The following PAK1 variants were observed in gnomAD, a reference collection of about 807,000 sequenced individuals.
PAK1 encodes the protein serine/threonine-protein kinase PAK 1.
Under a neutral mutation model 67.4 loss-of-function variants are expected in PAK1, and 29 were observed. The observed-to-expected ratio is 0.43, with a 90% confidence interval of 0.32 to 0.59. The LOEUF (loss-of-function observed/expected upper bound fraction) is 0.59. PAK1 is among the 20% of genes least tolerant of loss of function. The pLI is 0.07. For synonymous variants in PAK1, 223 were observed against 237.4 expected (o/e 0.94, Z 0.56); for missense variants, 337 against 670.7 (o/e 0.50, Z 5.50).
chr11:77,458,196 T>C (rs1255764152), intron 1 of PAK1, among the ~76,000 whole-genome samples: 1 of 152,202 alleles, frequency 6.6e-6, no homozygotes, highest in Non-Finnish European at 1.5e-5. Flanking sequence ...CTTTAATTTA[T>C]CAAGACAAAC....
intron 1 of PAK1, among the ~76,000 whole-genome samples, chr11:77,418,676 C>T (rs898417186): frequency 6.6e-6 from 1 of 152,206 alleles, no homozygotes; most frequent in African/African-American, 2.4e-5. Context: ...GCTTACTCAT[C>T]TAAATATTAG....
intron 1 of PAK1, among the ~76,000 whole-genome samples, chr11:77,441,204 TAA>T (rs369963805): frequency 9.6e-5 from 14 of 145,856 alleles, no homozygotes; most frequent in Middle Eastern, 3.6e-3. Context: ...AATACCGTCT[TAA>T]AAAAAAAAAA....
the PAK1 span, among the ~76,000 whole-genome samples, chr11:77,517,781 A>C: frequency 3.9e-5 from 6 of 152,210 alleles, no homozygotes. Context: ...GCAACTAGAC[A>C]GTCCTATCTG....
At chr11:77,429,368 G>A (rs998983894) in intron 1 of PAK1, among the ~76,000 whole-genome samples, 3 of 152,226 alleles carry the variant, frequency 2.0e-5, no homozygotes, top group Middle Eastern at 3.4e-3. Context: ...GTTTGGCAAC[G>A]AAACGGATAT....
chr11:77,403,471 T>C (rs908596970), intron 1 of PAK1, among the ~76,000 whole-genome samples: 1 of 152,210 alleles, frequency 6.6e-6, no homozygotes, highest in Admixed American at 6.5e-5. Flanking sequence ...GAATGAATCA[T>C]ATATACTCCA....
intron 5 of PAK1, among the ~76,000 whole-genome samples, chr11:77,372,319 G>A (rs527838173): frequency 6.6e-6 from 1 of 152,092 alleles, no homozygotes; most frequent in African/African-American, 2.4e-5. Context: ...ACAAATCAGG[G>A]GAAAGCAGTA....
At chr11:77,387,062 C>T (rs1016865533) in intron 2 of PAK1, among the ~76,000 whole-genome samples, 3 of 150,878 alleles carry the variant, frequency 2.0e-5, no homozygotes, top group Non-Finnish European at 4.4e-5. Context: ...GTGTGAGCCA[C>T]CACGCCCAGC....
chr11:77,406,607 G>A lies in PAK1; in HGVS notation c.-21-14066C>T, dbSNP rs1953602458. Among the ~76,000 whole-genome samples, 3 of 152,128 alleles carry A rather than the reference G, an allele frequency of 2.0e-5. No homozygotes were observed. The South Asian group carries it at 6.2e-4, about 32-fold the overall frequency. ...TGCCTGGGCAATGTGGTGAAACCCT[G>A]TCTCTACAAAAAATACAAAAGCTAG... On this transcript the variant is annotated intron_variant, in intron 1 of 14. Transcript: ENST00000356341.
chr11:77,332,933 A>G, intron 13 of PAK1, 66 bp from the exon 14 acceptor site: 2 of 1,469,546 alleles, frequency 1.4e-6, no homozygotes, highest in Non-Finnish European at 1.9e-6. Context: ...CCCATATACA[A>G]GTTCTAGAAA....
At chr11:77,349,317 A>T (rs1207903942) in intron 8 of PAK1, 30 bp from the exon 9 acceptor site, 6 of 1,551,720 alleles carry the variant, frequency 3.9e-6, no homozygotes, top group Non-Finnish European at 5.3e-6. Flanking sequence ...AGAAAGAGGG[A>T]AAAAAACACA....
In PAK1 at chr11:77,368,610, A is replaced by T. The variant is rs182538129; in HGVS notation, c.477+5718T>A. Among the ~76,000 whole-genome samples the T allele has an allele frequency of 1.4e-4, 21 of 152,372 alleles. No homozygotes were observed. In the East Asian group the frequency reaches 4.0e-3, roughly 29 times the overall value. On this transcript the variant is annotated intron_variant, in intron 5 of 14. Transcript: ENST00000356341. Reference sequence around the variant, plus strand: ...GATCCCAGAATGAGAGCTACTTATTACAAGTCCTACTTGACTTTTTAATCA... The same window carrying T: ...GATCCCAGAATGAGAGCTACTTATTTCAAGTCCTACTTGACTTTTTAATCA...
chr11:77,405,752 T>G (rs1953455731), intron 1 of PAK1, among the ~76,000 whole-genome samples: 1 of 150,366 alleles, frequency 6.7e-6, no homozygotes, highest in Non-Finnish European at 1.5e-5. Context: ...CAAATACCAC[T>G]TATTTCTCTG....
intron 1 of PAK1, among the ~76,000 whole-genome samples, chr11:77,401,849 C>T (rs1952732004): frequency 6.6e-6 from 1 of 152,184 alleles, no homozygotes; most frequent in Non-Finnish European, 1.5e-5. Flanking sequence ...TTATATCAAC[C>T]ATAATCCATG....
At chr11:77,373,702 G>A (rs1948734924) in intron 5 of PAK1, among the ~76,000 whole-genome samples, 1 of 152,080 alleles carries the variant, frequency 6.6e-6, no homozygotes, top group Non-Finnish European at 1.5e-5. Flanking sequence ...AAGAGAGACA[G>A]AGAGATCATC....
At chr11:77,429,530 G>C (rs1955761323) in intron 1 of PAK1, among the ~76,000 whole-genome samples, 1 of 152,138 alleles carries the variant, frequency 6.6e-6, no homozygotes, top group Admixed American at 6.5e-5. Flanking sequence ...CATCTAAAAG[G>C]ATGCAATGAA....
chr11:77,390,564 A>C (rs1313166679), intron 2 of PAK1, among the ~76,000 whole-genome samples: 1 of 151,112 alleles, frequency 6.6e-6, no homozygotes, highest in Non-Finnish European at 1.5e-5. Context: ...TGGCATGATC[A>C]CAGCTCACTG....
chr11:77,464,340 C>A (rs905219800), intron 1 of PAK1, among the ~76,000 whole-genome samples: 2 of 152,218 alleles, frequency 1.3e-5, no homozygotes, highest in Non-Finnish European at 2.9e-5. Flanking sequence ...TCAATGAGGT[C>A]TTTTCCTTAT....
chr11:77,515,597 C>G, the PAK1 span, among the ~76,000 whole-genome samples: 2 of 152,118 alleles, frequency 1.3e-5, no homozygotes, highest in Non-Finnish European at 2.9e-5. Flanking sequence ...GCACTTTGTC[C>G]CCAGGATACC....
At chr11:77,501,583 C>T in the PAK1 span, among the ~76,000 whole-genome samples, 3 of 152,188 alleles carry the variant, frequency 2.0e-5, no homozygotes, top group Admixed American at 2.0e-4. Context: ...GTCAGTGCAT[C>T]CCACCTCTCT....
Sources: allele counts gnomAD v4.1 joint callset (sites outside exome capture counted in the v4.1 genomes callset), GRCh38; gene constraint gnomAD v4.1.1; transcripts MANE v1.5; gene names NCBI Gene and HGNC (gene_info 2026-07-23, HGNC 2026-07-21).